PTPRA: variants seen among roughly 807,000 people sequenced by gnomAD.
The protein encoded by PTPRA is receptor-type tyrosine-protein phosphatase alpha.
PTPRA carries 25 observed loss-of-function variants against 104.8 expected under a neutral mutation model. The observed-to-expected ratio is 0.24, with a 90% confidence interval of 0.17 to 0.33. PTPRA has a LOEUF of 0.33. Ranked by LOEUF, PTPRA falls within the 10% of genes least tolerant of loss-of-function variation. PTPRA has a pLI of 1.00. For synonymous variants in PTPRA, 323 were observed against 368.9 expected (o/e 0.88, Z 1.43); for missense variants, 765 against 1,015.3 (o/e 0.75, Z 3.35).
At chr20:2,919,885 A>G (rs1394259435) in intron 1 of PTPRA, among the ~76,000 whole-genome samples, 3 of 152,242 alleles carry the variant, frequency 2.0e-5, no homozygotes, top group African/African-American at 7.2e-5. Context: ...AGTGGTTGGA[A>G]AAATATCAAA....
chr20:2,900,255 C>T (rs529835114), intron 1 of PTPRA, among the ~76,000 whole-genome samples: 1 of 152,180 alleles, frequency 6.6e-6, no homozygotes, highest in South Asian at 2.1e-4. Context: ...GCCATCCTCT[C>T]GCCTCAGACT....
intron 11 of PTPRA, among the ~76,000 whole-genome samples, chr20:3,010,927 AG>A (rs1159240471): frequency 6.6e-6 from 1 of 152,252 alleles, no homozygotes; most frequent in African/African-American, 2.4e-5. Flanking sequence ...ATGGCAAAGA[AG>A]AAAGGGAGGA....
intron 5 of PTPRA, among the ~76,000 whole-genome samples, chr20:2,967,256 C>G (rs1268941239): frequency 6.6e-6 from 1 of 152,128 alleles, no homozygotes; most frequent in Non-Finnish European, 1.5e-5. Context: ...AGTTATTGTA[C>G]ATTTAACACA....
chr20:2,997,397 T>G (rs1351011441), intron 9 of PTPRA, among the ~76,000 whole-genome samples: 2 of 152,238 alleles, frequency 1.3e-5, no homozygotes, highest in Non-Finnish European at 2.9e-5. Flanking sequence ...GGACTTAGTT[T>G]GCTTCGATGG....
chr20:2,897,100 C>G (rs1048494474), intron 1 of PTPRA, among the ~76,000 whole-genome samples: 2 of 152,144 alleles, frequency 1.3e-5, no homozygotes, highest in Non-Finnish European at 2.9e-5. Context: ...GTCAATTTGT[C>G]CAATTACTGG....
chr20:2,953,033 C>T (rs570134955), intron 3 of PTPRA, among the ~76,000 whole-genome samples: 6 of 152,168 alleles, frequency 3.9e-5, no homozygotes, highest in South Asian at 4.2e-4. Flanking sequence ...AATATCTGTT[C>T]GAGTTCCTGC....
chr20:2,923,086 T>A (rs631493), intron 1 of PTPRA, 121 bp from the exon 2 acceptor site: 1 of 327,840 alleles, frequency 3.1e-6, no homozygotes, highest in African/African-American at 2.3e-5. Flanking sequence ...CCACCCTGCC[T>A]GGCTACTTTT....
At chr20:3,031,742 C>T (rs1218755477) in intron 20 of PTPRA, among the ~76,000 whole-genome samples, 2 of 148,112 alleles carry the variant, frequency 1.4e-5, no homozygotes, top group African/African-American at 5.1e-5. Context: ...ACATCAGTCA[C>T]ACCGAACATG....
chr20:2,945,939 T>A (rs2061112817), intron 2 of PTPRA, among the ~76,000 whole-genome samples: 2 of 151,714 alleles, frequency 1.3e-5, no homozygotes, highest in Admixed American at 1.3e-4. Context: ...AATATATATA[T>A]GCGTGTGTGT....
chr20:2,975,018 A>G (rs1286447712), intron 5 of PTPRA, among the ~76,000 whole-genome samples, 197 bp from the exon 6 acceptor site: 6 of 152,128 alleles, frequency 3.9e-5, no homozygotes, highest in Admixed American at 3.9e-4. Context: ...ATGCTGCACT[A>G]TTTGTGTACC....
intron 11 of PTPRA, among the ~76,000 whole-genome samples, chr20:3,014,413 G>A (rs1342541755): frequency 1.3e-5 from 2 of 152,000 alleles, no homozygotes; most frequent in Non-Finnish European, 2.9e-5. Flanking sequence ...CAAGGTGGGC[G>A]GATCATCTGA....
the PTPRA span, chr20:2,865,128 C>T: frequency 6.9e-4 from 1,112 of 1,614,140 alleles, 2 homozygotes; most frequent in Admixed American, 9.3e-4. This position sits in a 1 kb window ranked among gnomAD's most constrained non-coding sequence, Gnocchi z 5.2. Context: ...CCCATCATGC[C>T]TCATTATCCG....
chr20:2,931,004 T>G (rs1422939740), intron 2 of PTPRA, among the ~76,000 whole-genome samples: 1 of 152,154 alleles, frequency 6.6e-6, no homozygotes, highest in Admixed American at 6.5e-5. Flanking sequence ...TCCTTGGGGA[T>G]GGGGTTGGAG....
At chr20:2,967,540 T>C (rs1467607886) in intron 5 of PTPRA, among the ~76,000 whole-genome samples, 2 of 152,196 alleles carry the variant, frequency 1.3e-5, no homozygotes, top group Non-Finnish European at 2.9e-5. Context: ...GATTTAATAC[T>C]TACCTTATTT....
chr20:3,031,943 A>G (rs535871997), intron 20 of PTPRA, among the ~76,000 whole-genome samples: 1 of 152,336 alleles, frequency 6.6e-6, no homozygotes, highest in South Asian at 2.1e-4. Flanking sequence ...TCACTGGGCA[A>G]AAACACAAAA....
intron 1 of PTPRA, among the ~76,000 whole-genome samples, chr20:2,901,358 G>T (rs922828231): frequency 5.3e-5 from 8 of 151,970 alleles, no homozygotes; most frequent in South Asian, 4.1e-4. Flanking sequence ...AGTTCCTCTT[G>T]TAATGGTGGG....
chr20:2,961,154 A>G (rs1340521673), intron 3 of PTPRA, among the ~76,000 whole-genome samples: 1 of 152,202 alleles, frequency 6.6e-6, no homozygotes, highest in African/African-American at 2.4e-5. Context: ...ACCAAGGAGC[A>G]CAATTGCTGG....
At chr20:2,982,123 C>T (rs1478340936) in intron 6 of PTPRA, among the ~76,000 whole-genome samples, 3 of 147,414 alleles carry the variant, frequency 2.0e-5, no homozygotes, top group Non-Finnish European at 4.4e-5. Context: ...CAGAGTCTCG[C>T]TCCGTCACCC....
At position 2,913,305 on chromosome 20, in the gene PTPRA, G is replaced by T. The variant is rs142807837; in HGVS notation, c.-128-9902G>T. ...AGGCATGAGAATCACTTGAACCTAG[G>T]AGGCGGAGGTTGCAGTGAGCTGAGA... On this transcript the variant is annotated intron_variant, in intron 1 of 23. Coordinates refer to ENST00000399903, the MANE Select transcript of PTPRA (RefSeq NM_001385305.1). 4.8e-3 allele frequency among the ~76,000 whole-genome samples: 731 copies of T among 152,252 alleles called. 5 individuals carry two copies. Among genetic ancestry groups the T allele is most frequent in the African/African-American group, 0.016 (677 of 41,548 alleles).
Sources: allele counts gnomAD v4.1 joint callset (sites outside exome capture counted in the v4.1 genomes callset), GRCh38; gene constraint gnomAD v4.1.1; non-coding constraint Gnocchi (gnomAD v3.1); transcripts MANE v1.5; gene names NCBI Gene and HGNC (gene_info 2026-07-23, HGNC 2026-07-21).